PHF24: variants seen among roughly 807,000 people sequenced by gnomAD.
The protein encoded by PHF24 is PHD finger protein 24.
A neutral mutation model predicts 42.6 loss-of-function variants in PHF24; 25 were observed. The observed-to-expected ratio is 0.59, with a 90% CI of 0.43 to 0.82. The LOEUF is 0.82. PHF24 is among the 40% of genes least tolerant of loss of function. The pLI, the probability that PHF24 is intolerant of heterozygous loss-of-function variation, is 0.00. For synonymous variants in PHF24, 185 were observed against 204.8 expected (o/e 0.90, Z 0.83); for missense variants, 470 against 538.1 (o/e 0.87, Z 1.25).
the PHF24 span, chr9:34,729,388 G>T: frequency 6.4e-7 from 1 of 1,551,310 alleles, no homozygotes; most frequent in Non-Finnish European, 8.7e-7. Context: ...ATGTATAAGG[G>T]ATATCCAACT....
chr9:34,905,855 G>A, the PHF24 span, among the ~76,000 whole-genome samples: 9 of 152,092 alleles, frequency 5.9e-5, no homozygotes, highest in Non-Finnish European at 1.3e-4. Flanking sequence ...ATTTTATTTT[G>A]TCTTCGTGTG....
chr9:34,971,416 C>G (rs950225035), exon 2 of PHF24: 1 of 1,614,026 alleles, frequency 6.2e-7, no homozygotes, highest in Non-Finnish European at 8.5e-7. Context: ...CACAGGTGAG[C>G]TGCCAGGGTC....
chr9:34,979,644 C>T (rs1021707347), exon 8 of PHF24: 15 of 152,184 alleles, frequency 9.9e-5, no homozygotes, highest in African/African-American at 3.1e-4. Context: ...TGTGCTAAAT[C>T]GGGTGCGTAC....
the PHF24 span, among the ~76,000 whole-genome samples, chr9:34,748,914 G>T: frequency 1.3e-5 from 2 of 151,958 alleles, no homozygotes; most frequent in Non-Finnish European, 2.9e-5. Flanking sequence ...TTCAGACAGA[G>T]AATTCAAAAT....
the PHF24 span, among the ~76,000 whole-genome samples, chr9:34,901,052 A>G: frequency 1.3e-5 from 2 of 152,238 alleles, no homozygotes; most frequent in African/African-American, 2.4e-5. Flanking sequence ...ATGGCCTTAT[A>G]TCCATTTAAA....
At chr9:34,928,265 T>C in the PHF24 span, among the ~76,000 whole-genome samples, 1 of 150,322 alleles carries the variant, frequency 6.7e-6, no homozygotes, top group Non-Finnish European at 1.5e-5. Context: ...ACAGGATGAC[T>C]ATAGCCAATA....
the PHF24 span, among the ~76,000 whole-genome samples, chr9:34,799,781 C>CAT: frequency 7.3e-3 from 1,114 of 152,226 alleles, 18 homozygotes; most frequent in African/African-American, 0.026. Flanking sequence ...GTCACTATAT[C>CAT]ATATATAATG....
the PHF24 span, chr9:34,893,091 G>T: frequency 1.1e-6 from 1 of 924,516 alleles, no homozygotes; most frequent in Non-Finnish European, 1.6e-6. Context: ...TTGCAGATTT[G>T]GCAGCAGGGG....
the PHF24 span, among the ~76,000 whole-genome samples, chr9:34,670,279 G>A: frequency 6.6e-6 from 1 of 152,166 alleles, no homozygotes; most frequent in Non-Finnish European, 1.5e-5. Context: ...ACGGGTTTTG[G>A]GAACTTCTCA....
At chr9:34,884,189 G>A in the PHF24 span, among the ~76,000 whole-genome samples, 6 of 152,110 alleles carry the variant, frequency 3.9e-5, no homozygotes, top group African/African-American at 1.4e-4. Flanking sequence ...TACAGGGTGG[G>A]GAACATCACA....
At chr9:34,761,230 T>C in the PHF24 span, among the ~76,000 whole-genome samples, 6 of 152,202 alleles carry the variant, frequency 3.9e-5, no homozygotes, top group African/African-American at 1.4e-4. Flanking sequence ...TTTTGTTATT[T>C]AATGTTGTTC....
chr9:34,738,621 C>G, the PHF24 span, among the ~76,000 whole-genome samples: 1 of 152,324 alleles, frequency 6.6e-6, no homozygotes, highest in South Asian at 2.1e-4. Flanking sequence ...GCTGGGATTA[C>G]AGGTGTAAGC....
chr9:34,878,024 A>G, the PHF24 span, among the ~76,000 whole-genome samples: 1 of 152,238 alleles, frequency 6.6e-6, no homozygotes, highest in Non-Finnish European at 1.5e-5. Context: ...TGTATAACAC[A>G]AAAAGTGAAC....
At chr9:34,967,652 C>G (rs145806884) in intron 1 of PHF24, among the ~76,000 whole-genome samples, 1 of 152,140 alleles carries the variant, frequency 6.6e-6, no homozygotes, top group Non-Finnish European at 1.5e-5. Context: ...TGCATCCCAC[C>G]CAGCCATCGA....
At chr9:34,972,301 G>A in intron 2 of PHF24, 45 bp from the exon 3 acceptor site, 1 of 1,534,930 alleles carries the variant, frequency 6.5e-7, no homozygotes, top group African/African-American at 1.4e-5. Context: ...GAATCTTGCT[G>A]CCTACATTTA....
chr9:34,693,707 C>G, the PHF24 span, among the ~76,000 whole-genome samples: 1 of 152,174 alleles, frequency 6.6e-6, no homozygotes, highest in East Asian at 1.9e-4. Context: ...GAAATAATGA[C>G]AAAACATCTG....
chr9:34,694,100 G>A, the PHF24 span, among the ~76,000 whole-genome samples: 9 of 150,064 alleles, frequency 6.0e-5, no homozygotes, highest in Admixed American at 1.3e-4. Flanking sequence ...ACAGATTGAG[G>A]CCCACTGATC....
the PHF24 span, among the ~76,000 whole-genome samples, chr9:34,830,382 C>A: frequency 4.6e-5 from 7 of 152,310 alleles, no homozygotes; most frequent in South Asian, 1.5e-3. Flanking sequence ...TGACCCAAAT[C>A]TTTTACTCAT....
At chr9:34,801,954 T>A in the PHF24 span, among the ~76,000 whole-genome samples, 4 of 152,072 alleles carry the variant, frequency 2.6e-5, no homozygotes, top group Non-Finnish European at 5.9e-5. Flanking sequence ...AAATACCTAA[T>A]GCATGCAGGG....
Sources: allele counts gnomAD v4.1 joint callset (sites outside exome capture counted in the v4.1 genomes callset), GRCh38; gene constraint gnomAD v4.1.1; transcripts MANE v1.5; gene names NCBI Gene and HGNC (gene_info 2026-07-23, HGNC 2026-07-21).